KIR2DL4: variants seen among roughly 807,000 people sequenced by gnomAD.
KIR2DL4 encodes the protein killer cell immunoglobulin-like receptor 2DL4.
KIR2DL4 carries 41 observed loss-of-function variants against 31.0 expected under a neutral mutation model. That is an observed-to-expected ratio of 1.32 (90% CI 1.03 to 1.72). The LOEUF (loss-of-function observed/expected upper bound fraction) is 1.72. Among genes scored for constraint, KIR2DL4 ranks in the 40% most tolerant of loss-of-function variants. The pLI is 0.00. For synonymous variants in KIR2DL4, 164 were observed against 133.6 expected (o/e 1.23, Z -1.57); for missense variants, 438 against 353.7 (o/e 1.24, Z -1.91).
chr19:54,806,951 G>T (rs1239525884), intron 4 of KIR2DL4, among the ~76,000 whole-genome samples: 2 of 150,826 alleles, frequency 1.3e-5, no homozygotes, highest in African/African-American at 4.9e-5. Context: ...GGAGGAGGAG[G>T]TTGCAGTGAG....
Position 54,813,146 on chromosome 19 carries a change from C to T in KIR2DL4, c.728C>T (p.Ala243Val), listed in dbSNP as rs2060969641. The stretch of plus-strand genomic sequence containing the variant: ...CCAGGTATCGCCAGACACCTGCATG[C>T]TGTGATTAGGTACTCAGTGGCCATC... Residue 243 changes from alanine (A) to valine (V), a missense_variant, in exon 6 of 8, where the codon GCT becomes GTT. Transcript: ENST00000359085. The T allele has an allele frequency of 3.3e-6, 5 of 1,511,982 alleles. No homozygotes were observed. The East Asian group carries it at 9.3e-5, about 28-fold the overall frequency. 93.7% of individuals were successfully genotyped at this position (1,511,982 alleles called of 1,614,324 possible). A position where few individuals can be genotyped will look rare whatever the true frequency, so the allele number is the denominator to read the frequency against.
chr19:54,813,013 C>T (rs1177829763), intron 5 of KIR2DL4: 10 of 730,990 alleles, frequency 1.4e-5, no homozygotes, highest in African/African-American at 2.2e-5. Flanking sequence ...CTCGTGGGTG[C>T]TTGTCTTAAA....
chr19:54,808,636 C>T (rs1248633303), intron 4 of KIR2DL4, among the ~76,000 whole-genome samples, 197 bp from the exon 5 acceptor site: 1 of 150,340 alleles, frequency 6.7e-6, no homozygotes, highest in Non-Finnish European at 1.5e-5. Context: ...TAGTGTGATG[C>T]TCCTGTTTTC....
chr19:54,812,575 T>G (rs3865508), intron 5 of KIR2DL4, among the ~76,000 whole-genome samples: 54,354 of 145,638 alleles, frequency 0.37, 11,943 homozygotes, highest in East Asian at 0.58. Flanking sequence ...CTCACTGATC[T>G]GCACGCTGTA....
intron 4 of KIR2DL4, among the ~76,000 whole-genome samples, chr19:54,806,745 T>C (rs657395): frequency 0.85 from 128,013 of 150,176 alleles, 55,137 homozygotes; most frequent in East Asian, 0.94. Context: ...CGGTGGCTCA[T>C]GCCTGTAATC....
rs1217406556 is a variant in KIR2DL4 at position 54,813,315 on chromosome 19, A to G, written c.810+87A>G. The G allele has an allele frequency of 1.6e-5, 25 of 1,571,994 alleles. No homozygotes were observed. The African/African-American group carries it at 3.5e-4, about 22-fold the overall frequency. ...ACGCAGGTGTGTGTTCCTCACTGGCAGGAAAGTCTCTGGCCCAAGGCAGGA... is the reference window on the plus strand; with the variant it reads ...ACGCAGGTGTGTGTTCCTCACTGGCGGGAAAGTCTCTGGCCCAAGGCAGGA... On this transcript the variant is annotated intron_variant, in intron 6 of 7. Transcript: ENST00000359085.
At chr19:54,807,153 A>G (rs2060578469) in intron 4 of KIR2DL4, among the ~76,000 whole-genome samples, 1 of 151,106 alleles carries the variant, frequency 6.6e-6, no homozygotes, top group Non-Finnish European at 1.5e-5. Context: ...AGAAATGGCA[A>G]TCCTTGTAAT....
At chr19:54,807,837 C>T (rs2060619584) in intron 4 of KIR2DL4, among the ~76,000 whole-genome samples, 1 of 149,452 alleles carries the variant, frequency 6.7e-6, no homozygotes, top group South Asian at 2.2e-4. Context: ...CCTTTCTCCA[C>T]CACCTTGCCA....
chr19:54,810,460 G>A (rs2060795104), intron 5 of KIR2DL4, among the ~76,000 whole-genome samples: 2 of 151,500 alleles, frequency 1.3e-5, no homozygotes, highest in South Asian at 4.2e-4. Context: ...AATGCTGAGT[G>A]TATAATTTCG....
intron 6 of KIR2DL4, chr19:54,813,272 C>A (rs769172506): frequency 2.5e-6 from 4 of 1,596,434 alleles, no homozygotes; most frequent in Middle Eastern, 1.8e-4. Context: ...GGGCCCTGTG[C>A]GGAAGCAGGA....
exon 3 of KIR2DL4, chr19:54,805,026 T>G (rs1300401581): frequency 1.9e-6 from 3 of 1,610,728 alleles, no homozygotes; most frequent in Non-Finnish European, 2.5e-6. Flanking sequence ...TCACCCGCAC[T>G]CCCCCACTGA....
chr19:54,804,158 G>GTAAGAGGAGAT (rs1241034504), intron 2 of KIR2DL4, among the ~76,000 whole-genome samples: 11 of 107,748 alleles, frequency 1.0e-4, no homozygotes, highest in Admixed American at 2.8e-4. Flanking sequence ...GGTATGCTCA[G>GTAAGAGGAGAT]CCCTCTGTTT....
At chr19:54,810,941 G>A (rs1293742952) in intron 5 of KIR2DL4, among the ~76,000 whole-genome samples, 2 of 151,166 alleles carry the variant, frequency 1.3e-5, no homozygotes, top group Admixed American at 6.6e-5. Context: ...TTGTGAGGTA[G>A]AGTAATTTGC....
intron 4 of KIR2DL4, among the ~76,000 whole-genome samples, chr19:54,808,591 C>T (rs62124064): frequency 0.12 from 18,015 of 150,224 alleles, 1,479 homozygotes; most frequent in Non-Finnish European, 0.15. Context: ...TGTTGTTTTG[C>T]TTACTACAGC....
At chr19:54,805,489 A>T (rs1304427371) in intron 3 of KIR2DL4, among the ~76,000 whole-genome samples, 1 of 150,180 alleles carries the variant, frequency 6.7e-6, no homozygotes. Flanking sequence ...GTGGAGGAAG[A>T]CCACGAGCCA....
chr19:54,813,159 C>G lies in KIR2DL4; in HGVS notation c.741C>G (p.Tyr247Ter). The G allele has an allele frequency of 6.5e-7, 1 of 1,528,040 alleles. No individual in the cohort carries two copies. Among genetic ancestry groups the G allele is most frequent in the Non-Finnish European group, 8.9e-7 (1 of 1,121,434 alleles). The allele number at this position is 1,528,040 out of a possible 1,614,324, so 94.7% of individuals were successfully genotyped here. A position where few individuals can be genotyped will look rare whatever the true frequency, so the allele number is the denominator to read the frequency against. ...GACACCTGCATGCTGTGATTAGGTACTCAGTGGCCATCATCCTCTTTACCA... is the reference window on the plus strand; with the variant it reads ...GACACCTGCATGCTGTGATTAGGTAGTCAGTGGCCATCATCCTCTTTACCA... Residue 247 changes from tyrosine to a stop codon, truncating the protein, a stop_gained, in exon 6 of 8, where the codon TAC becomes TAG. Transcript: ENST00000359085. LOFTEE classifies it high-confidence loss of function.
At position 54,803,946 on chromosome 19, in the gene KIR2DL4, A is replaced by G; in HGVS notation, c.76+20A>G. ...ACGTGGGTGAGTCCTTCCCCAAATG[A>G]TGGGTTGCCATCTTCACCCCAATAC... On this transcript the variant is annotated intron_variant, in intron 2 of 7. Transcript: ENST00000359085. 2 of 1,605,024 alleles carry G rather than the reference A, an allele frequency of 1.2e-6. No homozygotes were observed. Among genetic ancestry groups the G allele is most frequent in the Non-Finnish European group, 1.7e-6 (2 of 1,175,246 alleles).
At chr19:54,806,312 A>C in intron 4 of KIR2DL4, 68 bp downstream of exon 4, 1 of 1,470,850 alleles carries the variant, frequency 6.8e-7, no homozygotes, top group Non-Finnish European at 9.3e-7. Context: ...CTTCCTGCTG[A>C]TGATGGAGAG....
intron 5 of KIR2DL4, among the ~76,000 whole-genome samples, chr19:54,809,307 T>A (rs762005128): frequency 6.6e-6 from 1 of 150,438 alleles, no homozygotes; most frequent in Non-Finnish European, 1.5e-5. Flanking sequence ...GTTGACTTAG[T>A]GGAACAAGAG....
Sources: allele counts gnomAD v4.1 joint callset (sites outside exome capture counted in the v4.1 genomes callset), GRCh38; gene constraint gnomAD v4.1.1; transcripts MANE v1.5; gene names NCBI Gene and HGNC (gene_info 2026-07-23, HGNC 2026-07-21).